The following MPPED2 variants were observed in gnomAD, a reference collection of about 807,000 sequenced individuals.
MPPED2 encodes the protein metallophosphoesterase domain containing 2, also known as metallophosphoesterase MPPED2.
MPPED2 carries 5 observed loss-of-function variants against 33.0 expected under a neutral mutation model. That is an observed-to-expected ratio of 0.15 (90% CI 0.08 to 0.32). MPPED2 has a LOEUF of 0.32. Among genes scored for constraint, MPPED2 ranks in the 10% least tolerant of loss-of-function variants. MPPED2 has a pLI of 1.00. For synonymous variants in MPPED2, 136 were observed against 141.9 expected, an observed-to-expected ratio of 0.96 and a Z score of 0.29; for missense variants, 275 against 372.1, an observed-to-expected ratio of 0.74 and a Z score of 2.15.
At chr11:30,510,157 C>G (rs1250132587) in intron 3 of MPPED2, among the ~76,000 whole-genome samples, 2 of 152,098 alleles carry the variant, frequency 1.3e-5, no homozygotes, top group African/African-American at 4.8e-5. Context: ...TGTTAAGATA[C>G]TCTTTTGTTT....
chr11:30,411,046 T>C lies in MPPED2; in HGVS notation c.*422A>G, dbSNP rs1948084114. The C allele has an allele frequency of 1.7e-5, 17 of 985,954 alleles. No homozygotes were observed. The highest frequency in any genetic ancestry group is 4.7e-5 in the South Asian group (1 of 21,302). The allele number at this position is 985,954 out of a possible 1,614,324, so 61.1% of individuals were successfully genotyped here. ...CCAAGAAAACAACAACAACAAAACA[T>C]TGAAAATTAAAATATTTCAAACAAT... is the stretch of plus-strand genomic sequence containing the variant. On this transcript the variant is annotated 3_prime_UTR_variant, in exon 7 of 7. Coordinates refer to ENST00000358117, the MANE Select transcript of MPPED2 (RefSeq NM_001584.3).
chr11:30,556,046 C>G (rs1955948307), intron 2 of MPPED2, among the ~76,000 whole-genome samples: 1 of 152,170 alleles, frequency 6.6e-6, no homozygotes, highest in Admixed American at 6.5e-5. Flanking sequence ...CTTGAGTGTT[C>G]CTTCTGTAAT....
At chr11:30,548,063 T>C (rs1955519208) in intron 2 of MPPED2, among the ~76,000 whole-genome samples, 1 of 152,180 alleles carries the variant, frequency 6.6e-6, no homozygotes, top group African/African-American at 2.4e-5. Context: ...CCACAAGACC[T>C]GGCTTTGGAC....
chr11:30,469,393 A>G (rs922957790), intron 4 of MPPED2, among the ~76,000 whole-genome samples: 1 of 152,214 alleles, frequency 6.6e-6, no homozygotes, highest in Admixed American at 6.5e-5. Flanking sequence ...GAAAGTTTAC[A>G]TGTATTAACT....
chr11:30,581,254 C>T (rs943261992), intron 1 of MPPED2, among the ~76,000 whole-genome samples: 10 of 152,186 alleles, frequency 6.6e-5, no homozygotes, highest in Non-Finnish European at 1.0e-4. Flanking sequence ...TAAAGAAGGG[C>T]GGCCATTACA....
At chr11:30,394,700 A>G (rs937420683) in intron 6 of MPPED2, among the ~76,000 whole-genome samples, 1 of 152,076 alleles carries the variant, frequency 6.6e-6, no homozygotes, top group Non-Finnish European at 1.5e-5. Context: ...CCACTCTGTA[A>G]TTTGTATTTT....
At chr11:30,426,167 C>T (rs1331037309) in intron 4 of MPPED2, among the ~76,000 whole-genome samples, 1 of 152,198 alleles carries the variant, frequency 6.6e-6, no homozygotes, top group Non-Finnish European at 1.5e-5. Flanking sequence ...CTCCTCCATT[C>T]CTTCTCCCCC....
At chr11:30,393,581 C>T (rs1947805652) in intron 6 of MPPED2, among the ~76,000 whole-genome samples, 1 of 150,726 alleles carries the variant, frequency 6.6e-6, no homozygotes, top group Admixed American at 6.6e-5. Context: ...TATAATATAA[C>T]CTCCCAGGAG....
At chr11:30,424,328 C>A (rs559384528) in intron 4 of MPPED2, among the ~76,000 whole-genome samples, 80 of 152,284 alleles carry the variant, frequency 5.3e-4, no homozygotes, top group African/African-American at 1.8e-3. Context: ...AAACCGGGAG[C>A]CAATTTTCAC....
chr11:30,580,447 G>A lies in MPPED2; in HGVS notation c.-74C>T, dbSNP rs1416877460. The A allele has an allele frequency of 2.5e-6, 4 of 1,575,100 alleles. No homozygotes were observed. In the Admixed American group the frequency reaches 7.1e-5, roughly 28 times the overall value. On this transcript the variant is annotated 5_prime_UTR_variant, in exon 2 of 7. Coordinates refer to ENST00000358117, the MANE Select transcript of MPPED2 (RefSeq NM_001584.3). The stretch of plus-strand genomic sequence containing the variant: ...ATGGAAGCAGGCATGGTGCGTTTCA[G>A]CCAACCTCTGAATCCAAGGATCTAC...
intron 4 of MPPED2, chr11:30,468,921 C>A (rs1477818272): frequency 6.6e-6 from 1 of 152,172 alleles, no homozygotes; most frequent in East Asian, 1.9e-4. Flanking sequence ...ATAGCCAGCC[C>A]TCCCTACACC....
At chr11:30,424,417 C>G (rs1321836005) in intron 4 of MPPED2, among the ~76,000 whole-genome samples, 1 of 152,132 alleles carries the variant, frequency 6.6e-6, no homozygotes, top group East Asian at 1.9e-4. Context: ...GCCATCGGCC[C>G]CTCTCCGACT....
chr11:30,476,196 T>A (rs903202069), intron 4 of MPPED2, among the ~76,000 whole-genome samples: 1 of 152,010 alleles, frequency 6.6e-6, no homozygotes, highest in Non-Finnish European at 1.5e-5. Flanking sequence ...CTAGACTATG[T>A]TCCCCAAGAC....
At chr11:30,480,748 G>A (rs1004805154) in intron 4 of MPPED2, among the ~76,000 whole-genome samples, 2 of 152,138 alleles carry the variant, frequency 1.3e-5, no homozygotes, top group Non-Finnish European at 2.9e-5. Context: ...TCTTCCTAGA[G>A]TGTCGCTATC....
chr11:30,494,737 C>CAAAAAAAAAAAAAAA (rs767500886), intron 4 of MPPED2, among the ~76,000 whole-genome samples: 2 of 47,604 alleles, frequency 4.2e-5, no homozygotes, highest in Non-Finnish European at 7.9e-5. Context: ...TACTCCACCT[C>CAAAAAAAAAAAAAAA]AAAAAAAAAA....
chr11:30,499,033 C>T (rs1276506018), intron 3 of MPPED2, among the ~76,000 whole-genome samples: 4 of 152,146 alleles, frequency 2.6e-5, no homozygotes, highest in Non-Finnish European at 5.9e-5. Flanking sequence ...ACAGGGTCCT[C>T]GCTGCTACTT....
intron 4 of MPPED2, among the ~76,000 whole-genome samples, chr11:30,484,088 T>C (rs1051448153): frequency 6.6e-6 from 1 of 152,236 alleles, no homozygotes; most frequent in Non-Finnish European, 1.5e-5. Flanking sequence ...TAGTCTTCAA[T>C]GTTGATTTAC....
At chr11:30,388,524 A>T in exon 7 of MPPED2, 3 of 164,304 alleles carry the variant, frequency 1.8e-5, no homozygotes, top group Admixed American at 6.2e-5. Flanking sequence ...TTGGTAGGGG[A>T]TGCCGAGGCT....
In MPPED2 at chr11:30,494,988, A is replaced by G. The variant is rs557845959; in HGVS notation, c.536+308T>C. On this transcript the variant is annotated intron_variant, in intron 4 of 6. Transcript: ENST00000358117. ...AATACTACACCATTTTATATAAAAG[A>G]CTTGAGCATGATGGAATTTTATCAG... 2.8e-4 allele frequency: 89 copies of G among 313,022 alleles called. No homozygotes were observed. In the South Asian group the frequency reaches 3.6e-3, roughly 13 times the overall value. 19.4% of individuals were successfully genotyped at this position (313,022 alleles called of 1,614,324 possible). A position where few individuals can be genotyped will look rare whatever the true frequency, so the allele number is the denominator to read the frequency against.
Sources: gnomAD v4.1 joint callset for allele counts (sites outside exome capture counted in the v4.1 genomes callset) on GRCh38, gnomAD v4.1.1 for gene constraint, MANE v1.5 for transcripts, NCBI Gene and HGNC (gene_info 2026-07-23, HGNC 2026-07-21) for gene names.